GALNT13: variants seen among roughly 807,000 people sequenced by gnomAD.
GALNT13 encodes UDP-GalNAc:polypeptide N-acetylgalactosaminyltransferase 13.
GALNT13 carries 28 observed loss-of-function variants against 64.2 expected under a neutral mutation model. That is an observed-to-expected ratio of 0.44 (90% CI 0.32 to 0.60). GALNT13 has a LOEUF of 0.60. Among genes scored for constraint, GALNT13 ranks in the 20% least tolerant of loss-of-function variants. GALNT13 has a pLI of 0.05. For missense variants in GALNT13, 577 were observed against 669.8 expected, an observed-to-expected ratio of 0.86 and a Z score of 1.53; for synonymous variants, 214 against 224.6, an observed-to-expected ratio of 0.95 and a Z score of 0.42.
At chr2:153,875,622 G>A (rs917400987) in intron 1 of GALNT13, among the ~76,000 whole-genome samples, 1 of 152,104 alleles carries the variant, frequency 6.6e-6, no homozygotes, top group Non-Finnish European at 1.5e-5. Flanking sequence ...TTTTAGGAAA[G>A]GGGTGAGATA....
At chr2:154,389,660 C>T (rs1167030571) in intron 9 of GALNT13, among the ~76,000 whole-genome samples, 1 of 151,918 alleles carries the variant, frequency 6.6e-6, no homozygotes, top group African/African-American at 2.4e-5. Context: ...GGTCTAAGGC[C>T]CATTGCTTGC....
At chr2:153,456,372 A>C in the GALNT13 span, among the ~76,000 whole-genome samples, 1 of 152,180 alleles carries the variant, frequency 6.6e-6, no homozygotes, top group Non-Finnish European at 1.5e-5. Context: ...CTAGGCTTTT[A>C]TGGAACCTAG....
At chr2:154,446,448 T>A in intron 12 of GALNT13, 1 of 1,080,996 alleles carries the variant, frequency 9.3e-7, no homozygotes, top group East Asian at 2.7e-5. Context: ...TGGATACAAT[T>A]ATTGTGACAT....
the GALNT13 span, among the ~76,000 whole-genome samples, chr2:153,341,422 G>A: frequency 6.6e-6 from 1 of 152,138 alleles, no homozygotes; most frequent in South Asian, 2.1e-4. Context: ...TTTGGAAATG[G>A]TGTCCCTGAT....
chr2:153,291,098 T>C, the GALNT13 span, among the ~76,000 whole-genome samples: 7 of 152,338 alleles, frequency 4.6e-5, no homozygotes, highest in Admixed American at 3.9e-4. Flanking sequence ...GTGGATTTAT[T>C]TGACAGAGGT....
At chr2:153,646,757 T>A in the GALNT13 span, among the ~76,000 whole-genome samples, 1 of 152,166 alleles carries the variant, frequency 6.6e-6, no homozygotes, top group African/African-American at 2.4e-5. Context: ...AATGATGGTT[T>A]CCAGCTTCAT....
the GALNT13 span, among the ~76,000 whole-genome samples, chr2:153,768,820 C>T: frequency 8.5e-5 from 13 of 152,180 alleles, no homozygotes; most frequent in African/African-American, 2.4e-4. Context: ...GAGCCAAGAT[C>T]GCACCACTGC....
At chr2:153,362,674 A>G in the GALNT13 span, among the ~76,000 whole-genome samples, 1 of 152,142 alleles carries the variant, frequency 6.6e-6, no homozygotes, top group Non-Finnish European at 1.5e-5. Context: ...AATCAATTCA[A>G]CAGGAAGAGC....
intron 4 of GALNT13, among the ~76,000 whole-genome samples, chr2:154,200,906 G>A (rs1188713024): frequency 6.6e-6 from 1 of 152,096 alleles, no homozygotes; most frequent in Non-Finnish European, 1.5e-5. Flanking sequence ...AAGAGGCTTT[G>A]GGAACTAGCC....
the GALNT13 span, among the ~76,000 whole-genome samples, chr2:153,375,997 C>T: frequency 9.2e-5 from 14 of 151,972 alleles, no homozygotes; most frequent in African/African-American, 4.8e-5. Context: ...CTTTTTACAA[C>T]CAGCTGTCAT....
At chr2:153,637,321 C>G in the GALNT13 span, among the ~76,000 whole-genome samples, 1 of 152,152 alleles carries the variant, frequency 6.6e-6, no homozygotes, top group Non-Finnish European at 1.5e-5. Context: ...CAATCTATCA[C>G]ATGATCTTTA....
At chr2:154,093,282 T>C (rs1701907744) in intron 3 of GALNT13, among the ~76,000 whole-genome samples, 1 of 152,090 alleles carries the variant, frequency 6.6e-6, no homozygotes, top group Admixed American at 6.6e-5. Context: ...GTAATATCTA[T>C]AACTAGAATG....
At chr2:153,498,697 G>T in the GALNT13 span, among the ~76,000 whole-genome samples, 8 of 152,346 alleles carry the variant, frequency 5.3e-5, no homozygotes, top group South Asian at 1.7e-3. Context: ...CACAGCCCTG[G>T]CTCGGGGAAC....
the GALNT13 span, among the ~76,000 whole-genome samples, chr2:153,286,826 G>T: frequency 6.6e-6 from 1 of 152,090 alleles, no homozygotes; most frequent in Non-Finnish European, 1.5e-5. Context: ...AAATAATCTT[G>T]AGTGGGAAAA....
chr2:153,894,205 G>T (rs1406381410), intron 1 of GALNT13, among the ~76,000 whole-genome samples: 1 of 152,012 alleles, frequency 6.6e-6, no homozygotes, highest in South Asian at 2.1e-4. Flanking sequence ...AGGGAACAAA[G>T]AATTGACAGA....
chr2:153,426,183 A>T, the GALNT13 span, among the ~76,000 whole-genome samples: 1 of 151,888 alleles, frequency 6.6e-6, no homozygotes, highest in Non-Finnish European at 1.5e-5. Flanking sequence ...CTTTGTTGCC[A>T]TTAATCAGCA....
chr2:153,767,961 C>G, the GALNT13 span, among the ~76,000 whole-genome samples: 3 of 151,942 alleles, frequency 2.0e-5, no homozygotes, highest in Non-Finnish European at 2.9e-5. Flanking sequence ...TTAATTAAAT[C>G]CCATTTGTCT....
chr2:153,357,022 A>T, the GALNT13 span, among the ~76,000 whole-genome samples: 3 of 151,842 alleles, frequency 2.0e-5, no homozygotes, highest in Admixed American at 1.3e-4. Flanking sequence ...GTTAGCCAGG[A>T]TGGTCTCGAT....
the GALNT13 span, among the ~76,000 whole-genome samples, chr2:153,678,078 CAAAAG>C: frequency 1.1e-5 from 1 of 89,158 alleles, no homozygotes; most frequent in Non-Finnish European, 3.3e-5. Context: ...AACAAAAAAA[CAAAAG>C]AAACTCTCAA....
Sources: allele counts gnomAD v4.1 joint callset (sites outside exome capture counted in the v4.1 genomes callset), GRCh38; gene constraint gnomAD v4.1.1; transcripts MANE v1.5; gene names NCBI Gene and HGNC (gene_info 2026-07-23, HGNC 2026-07-21).